The following GRM7 variants were observed in gnomAD, a reference collection of about 807,000 sequenced individuals.
GRM7 encodes the protein metabotropic glutamate receptor 7.
Under a neutral mutation model 84.5 loss-of-function variants are expected in GRM7, and 35 were observed. That is an observed-to-expected ratio of 0.41 (90% CI 0.32 to 0.55). The LOEUF is 0.55. GRM7 is among the 20% of genes least tolerant of loss of function. GRM7 has a pLI of 0.19. For missense variants in GRM7, 1,003 were observed against 1,194.6 expected (o/e 0.84, Z 2.36); for synonymous variants, 487 against 455.1 (o/e 1.07, Z -0.89).
chr3:7,569,575 C>T (rs982914817), intron 7 of GRM7, among the ~76,000 whole-genome samples: 1 of 152,102 alleles, frequency 6.6e-6, no homozygotes, highest in East Asian at 1.9e-4. Context: ...CTGAGGTCCC[C>T]TTCCACGCCG....
chr3:6,934,062 G>A (rs1400450586), intron 1 of GRM7, among the ~76,000 whole-genome samples: 2 of 152,156 alleles, frequency 1.3e-5, no homozygotes, highest in Non-Finnish European at 2.9e-5. Context: ...TCATGAGTAT[G>A]GGGAGGTTCA....
At chr3:6,877,652 C>T (rs923125405) in intron 1 of GRM7, among the ~76,000 whole-genome samples, 2 of 152,134 alleles carry the variant, frequency 1.3e-5, no homozygotes, top group African/African-American at 4.8e-5. Context: ...GGTAGATTGA[C>T]ATTCCGCTTG....
chr3:7,235,476 C>A (rs9812897), intron 2 of GRM7, among the ~76,000 whole-genome samples: 39 of 151,970 alleles, frequency 2.6e-4, no homozygotes, highest in African/African-American at 8.9e-4. Flanking sequence ...CTAGGTTCCC[C>A]ATTATGCCCA....
intron 1 of GRM7, among the ~76,000 whole-genome samples, chr3:6,879,323 A>T (rs1275215814): frequency 6.6e-6 from 1 of 152,216 alleles, no homozygotes; most frequent in African/African-American, 2.4e-5. Flanking sequence ...TATAGAATAC[A>T]GTGTGATGTT....
At chr3:7,499,427 G>A (rs1233065246) in intron 7 of GRM7, among the ~76,000 whole-genome samples, 1 of 152,140 alleles carries the variant, frequency 6.6e-6, no homozygotes, top group East Asian at 1.9e-4. Context: ...ATCAAACGCT[G>A]TAATCTAGAG....
chr3:7,267,825 G>T lies in GRM7; in HGVS notation c.737-30859G>T, dbSNP rs532194901. ...GTGAGTTTTGGCTCTTTGCCTGAGG[G>T]TTGGTTTCCTGAGGAGGAACTCAGA... On this transcript the variant is annotated intron_variant, in intron 2 of 9. Coordinates refer to ENST00000357716, the MANE Select transcript of GRM7 (RefSeq NM_000844.4). Among the ~76,000 whole-genome samples, 8 of 152,262 alleles carry T rather than the reference G, an allele frequency of 5.3e-5. No homozygotes were observed. The East Asian group carries it at 1.5e-3, about 29-fold the overall frequency.
chr3:7,677,340 CA>C (rs1306488069), intron 8 of GRM7, among the ~76,000 whole-genome samples: 1 of 143,410 alleles, frequency 7.0e-6, no homozygotes, highest in African/African-American at 2.6e-5. Flanking sequence ...CTACACTAAA[CA>C]CTTTACAAAT....
At chr3:7,590,081 C>A (rs1440499043) in intron 8 of GRM7, among the ~76,000 whole-genome samples, 1 of 152,274 alleles carries the variant, frequency 6.6e-6, no homozygotes, top group African/African-American at 2.4e-5. Context: ...TCTAGGAGAT[C>A]AAGTTTTAAA....
intron 5 of GRM7, among the ~76,000 whole-genome samples, chr3:7,448,904 C>G (rs764088645): frequency 2.0e-5 from 3 of 151,788 alleles, no homozygotes; most frequent in Non-Finnish European, 4.4e-5. Context: ...TAGTCTGAAC[C>G]TATTTCATAG....
At chr3:7,011,128 A>G (rs1264828950) in intron 1 of GRM7, among the ~76,000 whole-genome samples, 1 of 152,164 alleles carries the variant, frequency 6.6e-6, no homozygotes, top group Admixed American at 6.5e-5. Context: ...TTACCTGACA[A>G]AAATAATGGG....
At chr3:7,324,461 A>G (rs1284980567) in intron 4 of GRM7, among the ~76,000 whole-genome samples, 2 of 152,094 alleles carry the variant, frequency 1.3e-5, no homozygotes, top group Admixed American at 6.6e-5. Context: ...CAGTTCTATA[A>G]CAGTATCTTC....
intron 2 of GRM7, among the ~76,000 whole-genome samples, chr3:7,243,794 T>C (rs1255180424): frequency 6.6e-6 from 1 of 152,182 alleles, no homozygotes; most frequent in Non-Finnish European, 1.5e-5. Flanking sequence ...ATGCCTACTA[T>C]AGGCTATATG....
chr3:7,557,928 T>C (rs1693848046), intron 7 of GRM7, among the ~76,000 whole-genome samples: 1 of 152,116 alleles, frequency 6.6e-6, no homozygotes, highest in Admixed American at 6.6e-5. Flanking sequence ...ATGTTTCAAA[T>C]GCCTTGGAGC....
intron 8 of GRM7, among the ~76,000 whole-genome samples, chr3:7,651,362 C>T (rs1244437928): frequency 1.3e-5 from 2 of 152,166 alleles, no homozygotes; most frequent in Non-Finnish European, 2.9e-5. Flanking sequence ...CTATGAACTG[C>T]CAGTTCATTT....
At chr3:7,265,258 G>A (rs2124967031) in intron 2 of GRM7, among the ~76,000 whole-genome samples, 1 of 152,294 alleles carries the variant, frequency 6.6e-6, no homozygotes, top group South Asian at 2.1e-4. Flanking sequence ...GATCTGACTT[G>A]ACTTTAAGGT....
chr3:7,388,079 CTT>C, intron 4 of GRM7, among the ~76,000 whole-genome samples: 1 of 152,068 alleles, frequency 6.6e-6, no homozygotes, highest in African/African-American at 2.4e-5. Flanking sequence ...TTCTTGATGT[CTT>C]TCTCAGCTTG....
At chr3:7,421,738 T>C (rs1042493809) in intron 5 of GRM7, among the ~76,000 whole-genome samples, 4 of 151,992 alleles carry the variant, frequency 2.6e-5, no homozygotes, top group Admixed American at 6.6e-5. Context: ...AACTGTGGTT[T>C]TGATGACTCC....
intron 8 of GRM7, among the ~76,000 whole-genome samples, chr3:7,638,867 A>G (rs1423857542): frequency 1.3e-5 from 2 of 152,226 alleles, no homozygotes; most frequent in African/African-American, 4.8e-5. Context: ...ATCAAGGGGA[A>G]GAGAGAGCTA....
intron 1 of GRM7, among the ~76,000 whole-genome samples, chr3:7,019,815 C>T (rs115201170): frequency 0.033 from 4,946 of 152,174 alleles, 290 homozygotes; most frequent in African/African-American, 0.11. Flanking sequence ...CCAATTTGAC[C>T]GAATCATCCA....
Sources: allele counts gnomAD v4.1 joint callset (sites outside exome capture counted in the v4.1 genomes callset), GRCh38; gene constraint gnomAD v4.1.1; transcripts MANE v1.5; gene names NCBI Gene and HGNC (gene_info 2026-07-23, HGNC 2026-07-21).